Variants in CYTH3 observed in about 807,000 individuals in gnomAD.
The protein encoded by CYTH3 is cytohesin 3.
CYTH3 carries 23 observed loss-of-function variants against 55.1 expected under a neutral mutation model. That is an observed-to-expected ratio of 0.42 (90% CI 0.30 to 0.59). The LOEUF (loss-of-function observed/expected upper bound fraction) is 0.59. CYTH3 is among the 20% of genes least tolerant of loss of function. CYTH3 has a pLI of 0.20. For missense variants in CYTH3, 413 were observed against 524.8 expected, an observed-to-expected ratio of 0.79 and a Z score of 2.08; for synonymous variants, 249 against 194.9, an observed-to-expected ratio of 1.28 and a Z score of -2.31.
chr7:6,262,875 C>T (rs541272646), intron 1 of CYTH3, among the ~76,000 whole-genome samples: 2 of 152,036 alleles, frequency 1.3e-5, no homozygotes, highest in African/African-American at 2.4e-5. Context: ...GCTATGATGG[C>T]GTCACTGCTC....
intron 1 of CYTH3, among the ~76,000 whole-genome samples, chr7:6,256,374 A>G (rs1780105280): frequency 6.6e-6 from 1 of 152,252 alleles, no homozygotes; most frequent in East Asian, 1.9e-4. Flanking sequence ...AAGGACTAGG[A>G]TAGTGGACTT....
chr7:6,244,225 G>A (rs908173531), intron 1 of CYTH3, among the ~76,000 whole-genome samples: 2 of 151,952 alleles, frequency 1.3e-5, no homozygotes, highest in African/African-American at 4.8e-5. Context: ...CAGCCTGGGG[G>A]GAAAAAAACA....
intron 1 of CYTH3, among the ~76,000 whole-genome samples, chr7:6,212,918 G>A (rs968250923): frequency 2.5e-4 from 38 of 152,330 alleles, no homozygotes; most frequent in African/African-American, 8.2e-4. Flanking sequence ...TACAGCAGCT[G>A]CACCATTTTA....
intron 1 of CYTH3, among the ~76,000 whole-genome samples, chr7:6,236,683 T>A (rs1583185983): frequency 6.6e-6 from 1 of 152,296 alleles, no homozygotes; most frequent in East Asian, 1.9e-4. Flanking sequence ...TGCCTCAGCC[T>A]CCTGAGTAAC....
chr7:6,259,799 A>ATATATATATTT lies in CYTH3; in HGVS notation c.34+12674_34+12675insAAATATATATA, dbSNP rs1780282608. On this transcript the variant is annotated intron_variant, in intron 1 of 12. Transcript: ENST00000350796. The stretch of plus-strand genomic sequence containing the variant: ...ATATATATATAATATATATATATAT[A>ATATATATATTT]TATATATATATATAATATATATATA... 9.6e-4 allele frequency among the ~76,000 whole-genome samples: 24 copies of ATATATATATTT among 24,980 alleles called. 1 individual carries two copies. Among genetic ancestry groups the ATATATATATTT allele is most frequent in the South Asian group, 1.2e-3 (1 of 808 alleles). The allele number at this position is 24,980 out of a possible 152,430, so 16.4% of individuals were successfully genotyped here.
intron 9 of CYTH3, among the ~76,000 whole-genome samples, chr7:6,168,863 A>C (rs1448317280): frequency 6.6e-6 from 1 of 152,162 alleles, no homozygotes; most frequent in Non-Finnish European, 1.5e-5. Context: ...CCTCGAGGGG[A>C]CACTGGTGGG....
At chr7:6,174,751 G>C (rs1783300287) in intron 5 of CYTH3, among the ~76,000 whole-genome samples, 1 of 151,650 alleles carries the variant, frequency 6.6e-6, no homozygotes, top group East Asian at 2.0e-4. Flanking sequence ...GTTTCACCGT[G>C]TTAGCCAGGA....
chr7:6,167,450 G>A lies in CYTH3; in HGVS notation c.824-1640C>T, dbSNP rs1463277037. ...CAGCAACTCCACTACCCTGACATCC[G>A]TCACTGTCACGGTCGCCTCTGCTTC... is the stretch of plus-strand genomic sequence containing the variant. On this transcript the variant is annotated intron_variant, in intron 9 of 12. Coordinates refer to ENST00000350796, the MANE Select transcript of CYTH3 (RefSeq NM_004227.4). The surrounding 1 kb of genome is among the most constrained non-coding windows in gnomAD (Gnocchi z 5.5). Among the ~76,000 whole-genome samples, 8 of 152,210 alleles carry A rather than the reference G, an allele frequency of 5.3e-5. No homozygotes were observed. The highest frequency in any genetic ancestry group is 1.2e-4 in the African/African-American group (5 of 41,448).
intron 1 of CYTH3, among the ~76,000 whole-genome samples, chr7:6,241,833 T>C (rs534926507): frequency 6.6e-6 from 1 of 152,234 alleles, no homozygotes; most frequent in South Asian, 2.1e-4. Flanking sequence ...GCGAAAAGGC[T>C]CTGTGTAGCG....
chr7:6,250,223 T>C (rs548192205), intron 1 of CYTH3, among the ~76,000 whole-genome samples: 1 of 152,290 alleles, frequency 6.6e-6, no homozygotes, highest in South Asian at 2.1e-4. Context: ...GAGTAAAAAC[T>C]TTCTACAGAC....
In CYTH3 at chr7:6,164,980, C is replaced by T; in HGVS notation, c.1164G>A (p.Leu388=). 1 of 1,614,192 alleles carries T rather than the reference C, an allele frequency of 6.2e-7. No individual in the cohort carries two copies. Among genetic ancestry groups the T allele is most frequent in the Non-Finnish European group, 8.5e-7 (1 of 1,180,036 alleles). Reference sequence around the variant, plus strand: ...TGGCAATCCTTCGTTTCCTCGTTGCCAACATGTCATAGAAGGGATCTCTGC... The same window carrying T: ...TGGCAATCCTTCGTTTCCTCGTTGCTAACATGTCATAGAAGGGATCTCTGC... The part of the protein sequence containing the change: ...SISRDPFYDM[L]ATRKRRIANK... Residue 388 remains leucine, a synonymous_variant, in exon 13 of 13, where the codon TTG becomes TTA. Transcript: ENST00000350796.
intron 1 of CYTH3, among the ~76,000 whole-genome samples, chr7:6,235,247 G>C (rs541071477): frequency 6.6e-6 from 1 of 152,174 alleles, no homozygotes; most frequent in Non-Finnish European, 1.5e-5. Context: ...ATGCCAAGGC[G>C]AGCACATCAT....
At chr7:6,183,940 G>A (rs1026622935) in intron 4 of CYTH3, among the ~76,000 whole-genome samples, 30 of 150,936 alleles carry the variant, frequency 2.0e-4, no homozygotes, top group African/African-American at 7.4e-4. Context: ...AGCAAGCCAG[G>A]AAGAGAGCCC....
At chr7:6,234,874 A>G (rs1028428967) in intron 1 of CYTH3, among the ~76,000 whole-genome samples, 15 of 152,226 alleles carry the variant, frequency 9.9e-5, no homozygotes, top group Admixed American at 5.2e-4. Flanking sequence ...GAAAATAATA[A>G]TAAGAATATG....
At chr7:6,185,657 A>G (rs1030493224) in intron 4 of CYTH3, among the ~76,000 whole-genome samples, 12 of 150,132 alleles carry the variant, frequency 8.0e-5, no homozygotes, top group Non-Finnish European at 1.5e-4. Flanking sequence ...CCGAGATCGC[A>G]CCACTGCACT....
At chr7:6,226,936 C>T (rs985958980) in intron 1 of CYTH3, among the ~76,000 whole-genome samples, 22 of 152,002 alleles carry the variant, frequency 1.4e-4, no homozygotes, top group African/African-American at 5.3e-4. Context: ...AAAAATTAGC[C>T]AGGCGTGGTG....
At chr7:6,255,833 T>G (rs7787992) in intron 1 of CYTH3, among the ~76,000 whole-genome samples, 54,951 of 145,818 alleles carry the variant, frequency 0.38, 15,850 homozygotes, top group African/African-American at 0.78. Context: ...GCGCGATCTC[T>G]GCTCACTACA....
At chr7:6,217,909 A>C (rs556836068) in intron 1 of CYTH3, among the ~76,000 whole-genome samples, 76 of 152,214 alleles carry the variant, frequency 5.0e-4, no homozygotes, top group Middle Eastern at 6.8e-3. Context: ...AGAGCGAGGC[A>C]TGGTGGCTCA....
intron 4 of CYTH3, among the ~76,000 whole-genome samples, chr7:6,179,719 C>T (rs1562881454): frequency 8.5e-6 from 1 of 117,844 alleles, no homozygotes; most frequent in African/African-American, 3.4e-5. Flanking sequence ...ACACCCCACA[C>T]ACCACACACA....
Sources: allele counts gnomAD v4.1 joint callset (sites outside exome capture counted in the v4.1 genomes callset), GRCh38; gene constraint gnomAD v4.1.1; non-coding constraint Gnocchi (gnomAD v3.1); transcripts MANE v1.5; gene names NCBI Gene and HGNC (gene_info 2026-07-23, HGNC 2026-07-21).